The following ZHX3 variants were observed in gnomAD, a reference collection of about 807,000 sequenced individuals.
The protein encoded by ZHX3 is zinc fingers and homeoboxes protein 3.
In ZHX3, 20 loss-of-function variants were observed where a neutral mutation model predicts 64.5. The observed-to-expected ratio is 0.31, with a 90% confidence interval of 0.22 to 0.45. The LOEUF (loss-of-function observed/expected upper bound fraction) is 0.45. ZHX3 is among the 20% of genes least tolerant of loss of function. The pLI is 1.00. For synonymous variants in ZHX3, 423 were observed against 461.6 expected, an observed-to-expected ratio of 0.92 and a Z score of 1.07; for missense variants, 1,041 against 1,195.8, an observed-to-expected ratio of 0.87 and a Z score of 1.91.
chr20:41,299,736 C>A (rs1270022797), intron 1 of ZHX3, among the ~76,000 whole-genome samples: 3 of 152,016 alleles, frequency 2.0e-5, no homozygotes, highest in African/African-American at 7.2e-5. Context: ...GTGGCAGGCA[C>A]CTGTATTCCC....
chr20:41,272,322 T>C (rs2043182852), intron 1 of ZHX3: 1 of 152,232 alleles, frequency 6.6e-6, no homozygotes, highest in African/African-American at 2.4e-5. Context: ...GCCACAGTTA[T>C]CTGTGAGATC....
At chr20:41,289,914 A>T (rs944241885) in intron 1 of ZHX3, among the ~76,000 whole-genome samples, 10 of 152,242 alleles carry the variant, frequency 6.6e-5, no homozygotes, top group Admixed American at 5.2e-4. Context: ...TCCTAGTTGT[A>T]GTTTCAACAA....
rs2038420381 is a variant in ZHX3, at chr20:41,203,431, T to C, written c.1486A>G (p.Ile496Val). The C allele has an allele frequency of 1.9e-6, 3 of 1,614,080 alleles. No homozygotes were observed. Among genetic ancestry groups the C allele is most frequent in the Admixed American group, 3.3e-5 (2 of 60,004 alleles). ...ITSQAFLDAS[I>V]YKNKKSHEQL... ...TCATGAGATTTCTTATTTTTGTAGA[T>C]GCTAGCATCAAGGAAGGCTTGGGAG... The change falls in exon 3 of 4, where the codon ATC becomes GTC. Residue 496 changes from isoleucine to valine, a missense_variant. By Grantham distance (29) the Ile-to-Val change is conservative (BLOSUM62 3). This residue lies in a region of ZHX3 where 649 missense variants were observed against 739.8 expected (regional missense o/e 0.88). Coordinates refer to ENST00000683867, the MANE Select transcript of ZHX3 (RefSeq NM_001384317.1). The surrounding 1 kb of genome is among the most constrained non-coding windows in gnomAD (Gnocchi z 7.1).
chr20:41,317,058 G>C (rs1023869040), intron 1 of ZHX3: 1 of 152,420 alleles, frequency 6.6e-6, no homozygotes, highest in African/African-American at 2.4e-5. Context: ...AGGGCCCTCG[G>C]GCGTGGACGC....
chr20:41,237,532 A>G (rs943221803), intron 2 of ZHX3, among the ~76,000 whole-genome samples: 6 of 152,216 alleles, frequency 3.9e-5, no homozygotes, highest in Admixed American at 1.3e-4. Flanking sequence ...CAAACACCGC[A>G]TGTTCTCACT....
chr20:41,240,100 G>C (rs1034425993), intron 2 of ZHX3, among the ~76,000 whole-genome samples: 6 of 152,016 alleles, frequency 3.9e-5, no homozygotes, highest in Admixed American at 3.9e-4. Flanking sequence ...AGGTTTAAGC[G>C]ATTCTCCTGC....
At chr20:41,210,614 A>G (rs551536886) in intron 2 of ZHX3, among the ~76,000 whole-genome samples, 11 of 152,218 alleles carry the variant, frequency 7.2e-5, no homozygotes, top group African/African-American at 2.4e-4. Flanking sequence ...ACCAAACACC[A>G]CATGTTCTCA....
chr20:41,263,359 T>C (rs886221529), intron 2 of ZHX3, among the ~76,000 whole-genome samples: 1 of 151,132 alleles, frequency 6.6e-6, no homozygotes, highest in Non-Finnish European at 1.5e-5. Flanking sequence ...AATACACAAC[T>C]AATAATCTTG....
At chr20:41,189,335 T>G (rs1157993188) in intron 3 of ZHX3, among the ~76,000 whole-genome samples, 1 of 152,210 alleles carries the variant, frequency 6.6e-6, no homozygotes, top group African/African-American at 2.4e-5. Context: ...TCTTTCGTGG[T>G]TCTGTACAAA....
Position 41,185,245 on chromosome 20 carries a change from C to A in ZHX3, c.2861-44G>T. 2 of 1,566,518 alleles carry A rather than the reference C, an allele frequency of 1.3e-6. No individual in the cohort carries two copies. Among genetic ancestry groups the A allele is most frequent in the Non-Finnish European group, 1.7e-6 (2 of 1,152,914 alleles). ...CCTGTCACTCTACGGCAGCTGCCAC[C>A]ACCTGCCCCCCAGGCAGCCTGGTCC... is the stretch of plus-strand genomic sequence containing the variant. On this transcript the variant is annotated intron_variant, in intron 3 of 3. Transcript: ENST00000683867. The surrounding 1 kb of genome is among the most constrained non-coding windows in gnomAD (Gnocchi z 5.0).
Position 41,179,181 on chromosome 20 carries a change from T to C in ZHX3, c.*6010A>G, listed in dbSNP as rs1176825112. On this transcript the variant is annotated 3_prime_UTR_variant, in exon 4 of 4. Coordinates refer to ENST00000683867, the MANE Select transcript of ZHX3 (RefSeq NM_001384317.1). This position sits in a 1 kb window ranked among gnomAD's most constrained non-coding sequence, Gnocchi z 4.3. Reference sequence around the variant, plus strand: ...GGGGAGAAAGGAAGGTGGGCGTGTTTTCTCTTTAATAACAATTATGGCACA... The same window carrying C: ...GGGGAGAAAGGAAGGTGGGCGTGTTCTCTCTTTAATAACAATTATGGCACA... 1 of 152,134 alleles carries C rather than the reference T, an allele frequency of 6.6e-6. No homozygotes were observed. The highest frequency in any genetic ancestry group is 1.5e-5 in the Non-Finnish European group (1 of 68,056). The allele number at this position is 152,134 out of a possible 1,614,324, so 9.4% of individuals were successfully genotyped here.
chr20:41,262,208 T>G (rs1264602973), intron 2 of ZHX3, among the ~76,000 whole-genome samples: 1 of 152,222 alleles, frequency 6.6e-6, no homozygotes, highest in Non-Finnish European at 1.5e-5. Flanking sequence ...TTTCCCTCCC[T>G]GCAGGCTGTG....
chr20:41,289,660 C>T lies in ZHX3; in HGVS notation c.-244-20577G>A, dbSNP rs145221098. Among the ~76,000 whole-genome samples the T allele has an allele frequency of 2.8e-3, 424 of 151,880 alleles. 3 individuals are homozygous for T. The highest frequency in any genetic ancestry group is 0.016 in the South Asian group (75 of 4,798). Reference sequence around the variant, plus strand: ...AAACATTTGAAAATTTGTCCATTTCCTTTCAGCAGCTTTAACAATGTTATT... The same window carrying T: ...AAACATTTGAAAATTTGTCCATTTCTTTTCAGCAGCTTTAACAATGTTATT... On this transcript the variant is annotated intron_variant, in intron 1 of 3. Transcript: ENST00000683867.
intron 2 of ZHX3, among the ~76,000 whole-genome samples, chr20:41,267,895 G>A (rs1016696160): frequency 7.2e-5 from 11 of 152,190 alleles, no homozygotes; most frequent in Non-Finnish European, 1.5e-4. Context: ...AGATGTGTAC[G>A]TAAGAAACTT....
At chr20:41,301,540 T>C (rs1238006979) in intron 1 of ZHX3, among the ~76,000 whole-genome samples, 15 of 152,100 alleles carry the variant, frequency 9.9e-5, no homozygotes, top group African/African-American at 3.6e-4. Context: ...TGCCTTAGGA[T>C]TTTTGCCCTT....
intron 1 of ZHX3, among the ~76,000 whole-genome samples, chr20:41,273,742 T>C (rs536900050): frequency 1.8e-3 from 275 of 152,320 alleles, no homozygotes; most frequent in Middle Eastern, 0.014. Context: ...TTGATTATTG[T>C]AGCTTTGTAG....
chr20:41,289,276 C>A (rs1168840084), intron 1 of ZHX3, among the ~76,000 whole-genome samples: 1 of 152,094 alleles, frequency 6.6e-6, no homozygotes, highest in Admixed American at 6.5e-5. Context: ...GCTGGGATTA[C>A]AGGCATGAGC....
chr20:41,224,087 C>CA lies in ZHX3; in HGVS notation c.-150-19022dup, dbSNP rs1003646115. On this transcript the variant is annotated intron_variant, in intron 2 of 3. Transcript: ENST00000683867. This position sits in a 1 kb window ranked among gnomAD's most constrained non-coding sequence, Gnocchi z 5.2. ...TAAATAAATAAAAGAACAAGCAAAA[C>CA]AAAAAAAATACCCAAAATGGAGGAG... is the stretch of plus-strand genomic sequence containing the variant. Among the ~76,000 whole-genome samples the CA allele has an allele frequency of 7.9e-5, 12 of 151,822 alleles. No homozygotes were observed. The highest frequency in any genetic ancestry group is 1.0e-4 in the Non-Finnish European group (7 of 67,878).
rs1037019783 is a variant in ZHX3 at position 41,178,570 on chromosome 20, C to A, written c.*6621G>T. 4 of 152,678 alleles carry A rather than the reference C, an allele frequency of 2.6e-5. No homozygotes were observed. Among genetic ancestry groups the A allele is most frequent in the Non-Finnish European group, 4.4e-5 (3 of 68,046 alleles). 9.5% of individuals were successfully genotyped at this position (152,678 alleles called of 1,614,324 possible). ...CCTCCCTTATCCAAATCCACAGATA[C>A]AAAATCTAGGAAATGTGCAATTTGC... On this transcript the variant is annotated 3_prime_UTR_variant, in exon 4 of 4. Coordinates refer to ENST00000683867, the MANE Select transcript of ZHX3 (RefSeq NM_001384317.1).
Sources: gnomAD v4.1 joint callset for allele counts (sites outside exome capture counted in the v4.1 genomes callset) on GRCh38, gnomAD v4.1.1 for gene constraint, gnomAD v4.1.1 regional missense constraint, Gnocchi (gnomAD v3.1) non-coding constraint, MANE v1.5 for transcripts, NCBI Gene and HGNC (gene_info 2026-07-23, HGNC 2026-07-21) for gene names.